Variants in CADM2 observed in about 807,000 individuals in gnomAD.
The protein encoded by CADM2 is cell adhesion molecule 2, also known as immunoglobulin superfamily member 4D.
In CADM2, 12 loss-of-function variants were observed where a neutral mutation model predicts 49.8. The observed-to-expected ratio is 0.24, with a 90% CI of 0.15 to 0.39. The LOEUF is 0.39. Ranked by LOEUF, CADM2 falls within the 10% of genes least tolerant of loss-of-function variation. CADM2 has a pLI of 1.00. For synonymous variants in CADM2, 214 were observed against 175.4 expected, an observed-to-expected ratio of 1.22 and a Z score of -1.74; for missense variants, 378 against 492.3, an observed-to-expected ratio of 0.77 and a Z score of 2.20.
At chr3:85,898,112 G>A (rs1015180533) in intron 5 of CADM2, among the ~76,000 whole-genome samples, 1 of 152,102 alleles carries the variant, frequency 6.6e-6, no homozygotes, top group African/African-American at 2.4e-5. Flanking sequence ...TTTTCTTAAT[G>A]GTGTTAAACG....
At chr3:85,253,915 A>G (rs900982235) in intron 1 of CADM2, among the ~76,000 whole-genome samples, 17 of 152,120 alleles carry the variant, frequency 1.1e-4, no homozygotes, top group African/African-American at 4.1e-4. Context: ...CATTTCTGAC[A>G]TCAGATTCTC....
chr3:85,698,932 G>C (rs557484587), intron 1 of CADM2, among the ~76,000 whole-genome samples: 26 of 152,184 alleles, frequency 1.7e-4, no homozygotes, highest in African/African-American at 6.3e-4. Context: ...CTGAGACAAG[G>C]CTAGCCCCTT....
intron 1 of CADM2, among the ~76,000 whole-genome samples, chr3:85,122,116 C>G (rs1319241511): frequency 6.6e-6 from 1 of 151,990 alleles, no homozygotes; most frequent in East Asian, 1.9e-4. Context: ...CCTCTCTCAT[C>G]CTGTTTATAA....
At chr3:85,724,817 G>T (rs1024023054) in intron 1 of CADM2, among the ~76,000 whole-genome samples, 7 of 151,626 alleles carry the variant, frequency 4.6e-5, no homozygotes, top group Admixed American at 4.6e-4. Context: ...TGTAATTTTT[G>T]ATATATATCA....
intron 1 of CADM2, among the ~76,000 whole-genome samples, chr3:85,443,930 A>G (rs2037324217): frequency 6.6e-6 from 1 of 151,744 alleles, no homozygotes; most frequent in South Asian, 2.1e-4. Flanking sequence ...GGTATCTCAG[A>G]TTTAATGAGC....
At chr3:85,687,292 A>C (rs570298395) in intron 1 of CADM2, among the ~76,000 whole-genome samples, 20 of 152,236 alleles carry the variant, frequency 1.3e-4, no homozygotes, top group Admixed American at 3.3e-4. Context: ...GTAGCTTAAA[A>C]GAATGCCATT....
At chr3:85,801,294 G>A (rs1383222326) in intron 2 of CADM2, among the ~76,000 whole-genome samples, 1 of 152,070 alleles carries the variant, frequency 6.6e-6, no homozygotes, top group Admixed American at 6.6e-5. Flanking sequence ...ACATACTGAT[G>A]ATATCCAAAT....
intron 1 of CADM2, among the ~76,000 whole-genome samples, chr3:85,442,153 AG>A (rs1342530958): frequency 1.3e-5 from 2 of 152,070 alleles, no homozygotes; most frequent in Admixed American, 1.3e-4. Context: ...GCGTCATAAA[AG>A]AAACCATGTT....
intron 3 of CADM2, among the ~76,000 whole-genome samples, chr3:85,843,631 CT>C (rs1005921860): frequency 6.6e-6 from 1 of 151,968 alleles, no homozygotes. Flanking sequence ...TCTCTCATCA[CT>C]TTAATTAAAT....
intron 1 of CADM2, among the ~76,000 whole-genome samples, chr3:85,434,375 T>C (rs1043748111): frequency 1.3e-5 from 2 of 151,966 alleles, no homozygotes; most frequent in African/African-American, 4.8e-5. Flanking sequence ...ATAGTACTTA[T>C]TAACTTTTAT....
At chr3:85,547,687 T>C (rs953365647) in intron 1 of CADM2, among the ~76,000 whole-genome samples, 2 of 152,160 alleles carry the variant, frequency 1.3e-5, no homozygotes, top group Non-Finnish European at 2.9e-5. Flanking sequence ...ACCAACCCTA[T>C]GTAAAAACAA....
At chr3:85,269,560 C>G (rs576364556) in intron 1 of CADM2, among the ~76,000 whole-genome samples, 3 of 151,268 alleles carry the variant, frequency 2.0e-5, no homozygotes, top group Non-Finnish European at 4.4e-5. Context: ...CATTAGGATC[C>G]CTTGGTTAAT....
chr3:85,885,306 G>T (rs2108397670), intron 4 of CADM2, among the ~76,000 whole-genome samples: 1 of 151,466 alleles, frequency 6.6e-6, no homozygotes, highest in Non-Finnish European at 1.5e-5. Context: ...GGAGGCCGAG[G>T]TAGGTGGATC....
intron 1 of CADM2, among the ~76,000 whole-genome samples, chr3:85,529,494 T>G (rs1211517734): frequency 6.6e-6 from 1 of 152,192 alleles, no homozygotes. Flanking sequence ...GCTCTTTTAG[T>G]ATACTCACTA....
intron 2 of CADM2, among the ~76,000 whole-genome samples, chr3:85,779,623 C>A (rs1034287159): frequency 1.3e-5 from 2 of 152,048 alleles, no homozygotes; most frequent in Non-Finnish European, 2.9e-5. Context: ...GTAACCAACC[C>A]CATGATTAAA....
intron 1 of CADM2, among the ~76,000 whole-genome samples, chr3:85,351,368 T>A (rs543484415): frequency 2.0e-5 from 3 of 152,142 alleles, no homozygotes; most frequent in Admixed American, 2.0e-4. Context: ...GGATATCACA[T>A]CAAAATAGGC....
intron 1 of CADM2, among the ~76,000 whole-genome samples, chr3:85,436,753 C>T (rs528728216): frequency 6.6e-6 from 1 of 152,092 alleles, no homozygotes; most frequent in South Asian, 2.1e-4. Context: ...TAAGATTTCC[C>T]GTGTACTCAC....
intron 3 of CADM2, among the ~76,000 whole-genome samples, chr3:85,803,690 A>G (rs1425778636): frequency 6.6e-6 from 1 of 152,084 alleles, no homozygotes; most frequent in East Asian, 1.9e-4. Context: ...CTTCTTCCTT[A>G]GGGTACTTAG....
intron 8 of CADM2, among the ~76,000 whole-genome samples, chr3:86,042,254 C>A (rs1736039589): frequency 6.6e-6 from 1 of 151,982 alleles, no homozygotes; most frequent in Non-Finnish European, 1.5e-5. Flanking sequence ...GAAATAGAGA[C>A]ACAAAAAACC....
Sources: gnomAD v4.1 joint callset for allele counts (sites outside exome capture counted in the v4.1 genomes callset) on GRCh38, gnomAD v4.1.1 for gene constraint, MANE v1.5 for transcripts, NCBI Gene and HGNC (gene_info 2026-07-23, HGNC 2026-07-21) for gene names.